The following ZNF224 variants were observed in gnomAD, a reference collection of about 807,000 sequenced individuals.
The protein encoded by ZNF224 is zinc finger protein 224.
In ZNF224, 8 loss-of-function variants were observed where a neutral mutation model predicts 10.5. That is an observed-to-expected ratio of 0.76 (90% CI 0.45 to 1.37). The LOEUF is 1.37. Ranked by LOEUF, ZNF224 falls within the 40% of genes most tolerant of loss-of-function variation. The pLI is 0.00. For synonymous variants in ZNF224, 282 were observed against 287.8 expected (o/e 0.98, Z 0.20); for missense variants, 754 against 854.0 (o/e 0.88, Z 1.46).
Position 44,104,811 on chromosome 19 carries a change from G to A in ZNF224, c.236-1585G>A, listed in dbSNP as rs767171322. ...CGAGTAGCTGGGACTACAGGCGCCC[G>A]CCACCATGTCTGGCTAATTTTTTTG... On this transcript the variant is annotated intron_variant, in intron 5 of 5. Transcript: ENST00000693561. 6.6e-3 allele frequency among the ~76,000 whole-genome samples: 1,003 copies of A among 152,178 alleles called. 8 individuals are homozygous for A. The highest frequency in any genetic ancestry group is 7.3e-3 in the Non-Finnish European group (498 of 68,000).
At position 44,097,796 on chromosome 19, in the gene ZNF224, C is replaced by T; in HGVS notation, c.-68-10C>T. The T allele has an allele frequency of 6.5e-7, 1 of 1,545,986 alleles. No individual in the cohort carries two copies. The highest frequency in any genetic ancestry group is 8.9e-7 in the Non-Finnish European group (1 of 1,125,856). Reference sequence around the variant, plus strand: ...ATGTCTCTTTTTCTGCCTTTCCTGGCACTTTGCAGGCACAATTCTGCTTTC... The same window carrying T: ...ATGTCTCTTTTTCTGCCTTTCCTGGTACTTTGCAGGCACAATTCTGCTTTC... On this transcript the variant is annotated splice_polypyrimidine_tract_variant and intron_variant, in intron 2 of 5. Transcript: ENST00000693561.
At chr19:44,098,005 G>A in intron 3 of ZNF224, 117 bp downstream of exon 3, 1 of 1,099,424 alleles carries the variant, frequency 9.1e-7, no homozygotes, top group South Asian at 1.5e-5. Flanking sequence ...AGGATCTCTT[G>A]TGTACCATGT....
chr19:44,106,735 G>T lies in ZNF224; in HGVS notation c.575G>T (p.Arg192Leu), dbSNP rs775350960. 1 of 1,610,644 alleles carries T rather than the reference G, an allele frequency of 6.2e-7. No individual in the cohort carries two copies. The highest frequency in any genetic ancestry group is 1.7e-5 in the Admixed American group (1 of 59,792). ...GKNFCYISAL[R>L]IHQRVHMGEK... ...AACTTTTGTTACATCTCAGCCCTTC[G>T]TATTCATCAGAGAGTCCACATGGGA... The change falls in exon 6 of 6, where the codon CGT (arginine) becomes CTT (leucine). Residue 192 changes from arginine (R) to leucine (L), a missense_variant. Transcript: ENST00000693561.
chr19:44,104,483 A>G (rs1967607752), intron 5 of ZNF224, among the ~76,000 whole-genome samples: 2 of 152,256 alleles, frequency 1.3e-5, no homozygotes, highest in South Asian at 4.1e-4. Flanking sequence ...AAAGTTACGG[A>G]TATTTACAGG....
chr19:44,099,599 T>C (rs772134844), intron 3 of ZNF224, among the ~76,000 whole-genome samples: 14 of 152,052 alleles, frequency 9.2e-5, no homozygotes, highest in Non-Finnish European at 1.9e-4. Flanking sequence ...ACACCTATAA[T>C]CCTGGCACTT....
intron 5 of ZNF224, among the ~76,000 whole-genome samples, chr19:44,102,329 A>T (rs796653526): frequency 3.3e-5 from 5 of 152,268 alleles, no homozygotes; most frequent in African/African-American, 1.2e-4. Flanking sequence ...AGTCTCACAT[A>T]CTTCTGTTTA....
chr19:44,107,243 G>C lies in ZNF224; in HGVS notation c.1083G>C (p.Thr361=). The part of the protein sequence containing the change: ...KGFICRRDLY[T]HHMVHTGEKP... ...TTATTTGTAGGCGAGATCTTTATAC[G>C]CATCATATGGTCCACACGGGAGAAA... The change falls in exon 6 of 6, where the codon ACG becomes ACC. Residue 361 remains threonine (T), a synonymous_variant. Coordinates refer to ENST00000693561, the MANE Select transcript of ZNF224 (RefSeq NM_001321645.3). 1 of 1,594,410 alleles carries C rather than the reference G, an allele frequency of 6.3e-7. No individual in the cohort carries two copies. Among genetic ancestry groups the C allele is most frequent in the Non-Finnish European group, 8.5e-7 (1 of 1,169,826 alleles).
At position 44,107,314 on chromosome 19, in the gene ZNF224, C is replaced by T. The variant is rs138098649; in HGVS notation, c.1154C>T (p.Ser385Leu). ...TGTGGGAAGAGCTTCAGATGGGCCT[C>T]GTGTCTTTTGAAACATCAGCGAGTC... ...KECGKSFRWA[S>L]CLLKHQRVHS... is the part of the protein sequence containing the mutation. The change falls in exon 6 of 6, where the codon TCG becomes TTG. Residue 385 changes from serine to leucine, a missense_variant. Coordinates refer to ENST00000693561, the MANE Select transcript of ZNF224 (RefSeq NM_001321645.3). 2.0e-4 allele frequency: 321 copies of T among 1,586,268 alleles called. 1 individual carries two copies. Among genetic ancestry groups the T allele is most frequent in the African/African-American group, 1.2e-3 (92 of 74,132 alleles).
At chr19:44,101,018 TTGAACCTATG>T in intron 4 of ZNF224, 91 bp downstream of exon 4, 1 of 1,610,228 alleles carries the variant, frequency 6.2e-7, no homozygotes, top group Non-Finnish European at 8.5e-7. Context: ...AATTAGTAAC[TTGAACCTATG>T]GTTCAAGTTT....
At position 44,107,353 on chromosome 19, in the gene ZNF224, A is replaced by C. The variant is rs2147535679; in HGVS notation, c.1193A>C (p.Lys398Thr). 6.3e-7 allele frequency: 1 copy of C among 1,593,970 alleles called. No individual in the cohort carries two copies. The highest frequency in any genetic ancestry group is 8.5e-7 in the Non-Finnish European group (1 of 1,171,636). ...CATCAGCGAGTCCACAGTGGAGAAA[A>C]ACCATTCAAATGTGAAGAATGTGGG... ...LKHQRVHSGE[K>T]PFKCEECGKG... Residue 398 changes from lysine to threonine, a missense_variant, in exon 6 of 6, where the codon AAA becomes ACA. Coordinates refer to ENST00000693561, the MANE Select transcript of ZNF224 (RefSeq NM_001321645.3).
intron 2 of ZNF224, among the ~76,000 whole-genome samples, chr19:44,096,775 C>G (rs1967443194): frequency 1.3e-5 from 2 of 152,250 alleles, no homozygotes; most frequent in African/African-American, 4.8e-5. Flanking sequence ...ATTCTACACC[C>G]TTTGTCTTTC....
chr19:44,102,033 C>A (rs1346113926), intron 5 of ZNF224, among the ~76,000 whole-genome samples: 4 of 152,194 alleles, frequency 2.6e-5, no homozygotes, highest in Non-Finnish European at 5.9e-5. Flanking sequence ...ACCTTAATTG[C>A]ATCTACAACC....
chr19:44,107,174 C>T lies in ZNF224; in HGVS notation c.1014C>T (p.His338=), dbSNP rs771600648. The change falls in exon 6 of 6, where the codon CAC becomes CAT. Residue 338 remains histidine, a synonymous_variant. Transcript: ENST00000693561. ...RSALNSHRMI[H]TGEKPYKCEE... is the part of the protein sequence containing the mutation. ...CACTTAATAGTCATCGCATGATCCACACAGGAGAGAAACCATACAAATGTG... is the reference window on the plus strand; with the variant it reads ...CACTTAATAGTCATCGCATGATCCATACAGGAGAGAAACCATACAAATGTG... 143 of 1,606,710 alleles carry T rather than the reference C, an allele frequency of 8.9e-5. No individual in the cohort carries two copies. Among genetic ancestry groups the T allele is most frequent in the Non-Finnish European group, 4.3e-5 (51 of 1,176,394 alleles).
At chr19:44,103,630 A>G (rs1324069654) in intron 5 of ZNF224, among the ~76,000 whole-genome samples, 2 of 151,980 alleles carry the variant, frequency 1.3e-5, no homozygotes, top group Non-Finnish European at 2.9e-5. Flanking sequence ...ATATTCTTCC[A>G]TTTGGAAATA....
At position 44,108,650 on chromosome 19, in the gene ZNF224, T is replaced by A. The variant is rs146950865; in HGVS notation, c.*366T>A. ...GTTCATGAATTTACCAGACTAATGG[T>A]GGACATGTCCAAATTGATGTCCACT... On this transcript the variant is annotated 3_prime_UTR_variant, in exon 6 of 6. Transcript: ENST00000693561. The A allele has an allele frequency of 5.1e-5, 26 of 513,986 alleles. No homozygotes were observed. The highest frequency in any genetic ancestry group is 4.0e-4 in the African/African-American group (21 of 52,278). 31.8% of individuals were successfully genotyped at this position (513,986 alleles called of 1,614,324 possible).
chr19:44,106,285 C>T, intron 5 of ZNF224, 111 bp from the exon 6 acceptor site: 1 of 1,148,828 alleles, frequency 8.7e-7, no homozygotes, highest in Non-Finnish European at 1.2e-6. Flanking sequence ...AAAATACAAA[C>T]TGAATGTTGT....
chr19:44,102,457 G>T (rs868022518), intron 5 of ZNF224, among the ~76,000 whole-genome samples: 5 of 152,160 alleles, frequency 3.3e-5, no homozygotes, highest in African/African-American at 1.2e-4. Flanking sequence ...TTGTTAACCT[G>T]ATATATGAGC....
intron 5 of ZNF224, among the ~76,000 whole-genome samples, chr19:44,104,725 A>G (rs1401980423): frequency 1.3e-5 from 2 of 151,850 alleles, no homozygotes; most frequent in Non-Finnish European, 2.9e-5. Context: ...GCAGTGGCGC[A>G]ATCTCAGCTC....
At chr19:44,100,312 G>A (rs1397259076) in intron 3 of ZNF224, among the ~76,000 whole-genome samples, 1 of 152,170 alleles carries the variant, frequency 6.6e-6, no homozygotes, top group Non-Finnish European at 1.5e-5. Flanking sequence ...TTTGCCTGGA[G>A]AGTATAGAGG....
Sources: allele counts gnomAD v4.1 joint callset (sites outside exome capture counted in the v4.1 genomes callset), GRCh38; gene constraint gnomAD v4.1.1; transcripts MANE v1.5; gene names NCBI Gene and HGNC (gene_info 2026-07-23, HGNC 2026-07-21).